Variants in PCDHGA3 observed in about 807,000 individuals in gnomAD.
PCDHGA3 encodes the protein protocadherin gamma-A3.
In PCDHGA3, 40 loss-of-function variants were observed where a neutral mutation model predicts 58.5. The observed-to-expected ratio is 0.68, with a 90% confidence interval of 0.53 to 0.89. The LOEUF (loss-of-function observed/expected upper bound fraction) is 0.89. PCDHGA3 is among the 40% of genes least tolerant of loss of function. PCDHGA3 has a pLI of 0.00. For synonymous variants in PCDHGA3, 530 were observed against 525.7 expected (o/e 1.01, Z -0.11); for missense variants, 1,223 against 1,195.9 (o/e 1.02, Z -0.33).
intron 2 of PCDHGA3, among the ~76,000 whole-genome samples, chr5:141,497,893 C>T (rs1194262199): frequency 6.6e-6 from 1 of 152,132 alleles, no homozygotes; most frequent in Non-Finnish European, 1.5e-5. Flanking sequence ...GGATCTAGTC[C>T]AGTAACTTCA....
intron 1 of PCDHGA3, chr5:141,375,377 C>CT: frequency 1.2e-6 from 2 of 1,613,940 alleles, no homozygotes; most frequent in South Asian, 2.2e-5. Context: ...AACACCACCT[C>CT]TGTCTACAGA....
In PCDHGA3 at chr5:141,476,762, G is replaced by A. The variant is rs1338892879; in HGVS notation, c.2425-18045G>A. The A allele has an allele frequency of 6.2e-7, 1 of 1,613,848 alleles. No individual in the cohort carries two copies. ...GCCTAGTCTCCAGTTAGTGCTGACG[G>A]CGTTGGACGGAGGGACCCCAGCTCT... On this transcript the variant is annotated intron_variant, in intron 1 of 3. Coordinates refer to ENST00000253812, the MANE Select transcript of PCDHGA3 (RefSeq NM_018916.4). The surrounding 1 kb of genome is among the most constrained non-coding windows in gnomAD (Gnocchi z 7.6).
intron 1 of PCDHGA3, among the ~76,000 whole-genome samples, chr5:141,470,714 T>C (rs1416956410): frequency 1.3e-5 from 2 of 152,152 alleles, no homozygotes; most frequent in Non-Finnish European, 2.9e-5. Context: ...TTTTATTTTT[T>C]TGAGTCAGGG....
chr5:141,482,530 CAAAAA>C (rs3074545), intron 1 of PCDHGA3, among the ~76,000 whole-genome samples: 1 of 76,558 alleles, frequency 1.3e-5, no homozygotes, highest in African/African-American at 4.8e-5. Context: ...GACAGACATG[CAAAAA>C]AAAAAAAAAA....
At chr5:141,387,967 C>G in intron 1 of PCDHGA3, 1 of 1,489,226 alleles carries the variant, frequency 6.7e-7, no homozygotes, top group Non-Finnish European at 9.0e-7. Flanking sequence ...TTCTGCCCGG[C>G]GCTCTGTGAG....
Position 141,477,686 on chromosome 5 carries a change from C to T in PCDHGA3, c.2425-17121C>T, listed in dbSNP as rs201090822. Reference sequence around the variant, plus strand: ...CAATGGCATAGTGTCATCCTTAGTGCCCCTAGACTATGAGGATCGGCGGGA... The same window carrying T: ...CAATGGCATAGTGTCATCCTTAGTGTCCCTAGACTATGAGGATCGGCGGGA... On this transcript the variant is annotated intron_variant, in intron 1 of 3. Coordinates refer to ENST00000253812, the MANE Select transcript of PCDHGA3 (RefSeq NM_018916.4). This position sits in a 1 kb window ranked among gnomAD's most constrained non-coding sequence, Gnocchi z 4.9. The T allele has an allele frequency of 4.3e-6, 7 of 1,614,024 alleles. No homozygotes were observed. The highest frequency in any genetic ancestry group is 1.6e-4 in the Middle Eastern group (1 of 6,084).
rs773942024 is a variant in PCDHGA3, at chr5:141,433,234, C to G, written c.2425-61573C>G. 3.3e-6 allele frequency: 5 copies of G among 1,512,860 alleles called. No homozygotes were observed. In the South Asian group the frequency reaches 5.0e-5, roughly 15 times the overall value. The allele number at this position is 1,512,860 out of a possible 1,614,324, so 93.7% of individuals were successfully genotyped here. A position where few individuals can be genotyped will look rare whatever the true frequency, so the allele number is the denominator to read the frequency against. On this transcript the variant is annotated intron_variant, in intron 1 of 3. Coordinates refer to ENST00000253812, the MANE Select transcript of PCDHGA3 (RefSeq NM_018916.4). ...TTTTTTTTTTTTAATTGCTCTGTCT[C>G]CCAAGCTGGAATGCAGCGGTACGAT...
chr5:141,361,638 T>G (rs756163399), intron 1 of PCDHGA3: 5 of 1,613,826 alleles, frequency 3.1e-6, no homozygotes, highest in East Asian at 2.2e-5. Context: ...CGCGGGAGAT[T>G]TTATCCTACG....
chr5:141,404,227 A>G, intron 1 of PCDHGA3: 3 of 1,613,818 alleles, frequency 1.9e-6, no homozygotes, highest in East Asian at 2.2e-5. Context: ...TGACTGCAAC[A>G]GACAGAGGAA....
rs1233637152 is a variant in PCDHGA3 at position 141,432,543 on chromosome 5, A to G, written c.2425-62264A>G. ...CTGGTGACCAAGGTGGTGGCGGTGGACAGAGACTCCGGCCAGAACGCCTGG... is the reference window on the plus strand; with the variant it reads ...CTGGTGACCAAGGTGGTGGCGGTGGGCAGAGACTCCGGCCAGAACGCCTGG... On this transcript the variant is annotated intron_variant, in intron 1 of 3. Transcript: ENST00000253812. This position sits in a 1 kb window ranked among gnomAD's most constrained non-coding sequence, Gnocchi z 6.0. 3 of 1,613,678 alleles carry G rather than the reference A, an allele frequency of 1.9e-6. No individual in the cohort carries two copies. In the African/African-American group the frequency reaches 4.0e-5, roughly 22 times the overall value.
intron 2 of PCDHGA3, among the ~76,000 whole-genome samples, chr5:141,504,451 G>A (rs2099838355): frequency 1.3e-5 from 2 of 152,070 alleles, no homozygotes; most frequent in South Asian, 4.2e-4. Context: ...CTAGTGCCAT[G>A]TGGGGCAGCC....
chr5:141,423,562 A>C (rs374427537), intron 1 of PCDHGA3: 1 of 1,613,612 alleles, frequency 6.2e-7, no homozygotes, highest in African/African-American at 1.3e-5. Context: ...CTATGGGGAC[A>C]CGCTCATCAG....
rs1203114280 is a variant in PCDHGA3 at position 141,344,088 on chromosome 5, C to A, written c.55C>A (p.Leu19Ile). Residue 19 changes from leucine (L) to isoleucine (I), a missense_variant, in exon 1 of 4, where the codon CTC becomes ATC. By Grantham distance (5) the Leu-to-Ile change is conservative. This residue lies in a region of PCDHGA3 where 791 missense variants were observed against 708.5 expected (regional missense o/e 1.12). Coordinates refer to ENST00000253812, the MANE Select transcript of PCDHGA3 (RefSeq NM_018916.4). ...CAGAGGACTGGCCCTGCTGTGCGCGCTCCTGGGGACGCTGTGCGAAACAGG... is the reference window on the plus strand; with the variant it reads ...CAGAGGACTGGCCCTGCTGTGCGCGATCCTGGGGACGCTGTGCGAAACAGG... Reference protein sequence around the residue: ...NGRGLALLCALLGTLCETGSG... With the variant: ...NGRGLALLCAILGTLCETGSG... 1.2e-6 allele frequency: 2 copies of A among 1,612,960 alleles called. No homozygotes were observed. The highest frequency in any genetic ancestry group is 1.7e-5 in the Admixed American group (1 of 59,908).
In PCDHGA3 at chr5:141,420,077, C is replaced by T. The variant is rs760626443; in HGVS notation, c.2424+73620C>T. The T allele has an allele frequency of 2.9e-5, 47 of 1,613,782 alleles. No homozygotes were observed. Among genetic ancestry groups the T allele is most frequent in the Admixed American group, 1.0e-4 (6 of 60,004 alleles). The stretch of plus-strand genomic sequence containing the variant: ...CTGCTCCAAGTCCGGACCTGTGGGT[C>T]CCCCCAACTACAGTGAGGGAACGTT... On this transcript the variant is annotated intron_variant, in intron 1 of 3. Coordinates refer to ENST00000253812, the MANE Select transcript of PCDHGA3 (RefSeq NM_018916.4).
intron 1 of PCDHGA3, among the ~76,000 whole-genome samples, chr5:141,460,117 T>G (rs1454761302): frequency 6.6e-6 from 1 of 151,982 alleles, no homozygotes; most frequent in Non-Finnish European, 1.5e-5. Context: ...ATGATTTTTA[T>G]ATATGTAATA....
In PCDHGA3 at chr5:141,361,205, C is replaced by T. The variant is rs754494569; in HGVS notation, c.2424+14748C>T. On this transcript the variant is annotated intron_variant, in intron 1 of 3. Transcript: ENST00000253812. Reference sequence around the variant, plus strand: ...GTGACTTCAGTATCTACTCCCCTACCGGAGGATTCGCCACCAGGAACAGTG... The same window carrying T: ...GTGACTTCAGTATCTACTCCCCTACTGGAGGATTCGCCACCAGGAACAGTG... 3.7e-6 allele frequency: 6 copies of T among 1,613,776 alleles called. No homozygotes were observed. In the Admixed American group the frequency reaches 8.3e-5, roughly 22 times the overall value.
At chr5:141,428,146 C>T (rs549173211) in intron 1 of PCDHGA3, 15 of 1,589,346 alleles carry the variant, frequency 9.4e-6, no homozygotes, top group East Asian at 2.2e-5. Context: ...GGGCTGCACA[C>T]GGGAACCTGC....
intron 1 of PCDHGA3, chr5:141,422,768 T>C: frequency 6.2e-7 from 1 of 1,613,824 alleles, no homozygotes. Context: ...AACACTGGTG[T>C]TCTCTATGCC....
intron 1 of PCDHGA3, chr5:141,395,535 C>A: frequency 3.6e-5 from 12 of 331,892 alleles, no homozygotes; most frequent in Admixed American, 5.0e-5. Context: ...GGTAATTTTG[C>A]TATTGTTTGT....
Sources: allele counts gnomAD v4.1 joint callset (sites outside exome capture counted in the v4.1 genomes callset), GRCh38; gene constraint gnomAD v4.1.1; regional missense constraint gnomAD v4.1.1; non-coding constraint Gnocchi (gnomAD v3.1); transcripts MANE v1.5; gene names NCBI Gene and HGNC (gene_info 2026-07-23, HGNC 2026-07-21).